PACSIN3: variants seen among roughly 807,000 people sequenced by gnomAD.
The protein encoded by PACSIN3 is protein kinase C and casein kinase substrate in neurons 3, also known as protein kinase C and casein kinase substrate in neurons protein 3.
PACSIN3 carries 34 observed loss-of-function variants against 56.1 expected under a neutral mutation model. That is an observed-to-expected ratio of 0.61 (90% CI 0.46 to 0.81). PACSIN3 has a LOEUF of 0.81. Ranked by LOEUF, PACSIN3 falls within the 30% of genes least tolerant of loss-of-function variation. The pLI is 0.00. For synonymous variants in PACSIN3, 218 were observed against 229.8 expected (o/e 0.95, Z 0.46); for missense variants, 535 against 592.4 (o/e 0.90, Z 1.01).
In PACSIN3 at chr11:47,179,479, C is replaced by G. The variant is rs754961841; in HGVS notation, c.711G>C (p.Gln237His). The G allele has an allele frequency of 6.2e-7, 1 of 1,613,940 alleles. No homozygotes were observed. The highest frequency in any genetic ancestry group is 1.3e-5 in the African/African-American group (1 of 74,950). Residue 237 changes from glutamine to histidine, a missense_variant, in exon 7 of 11, where the codon CAG becomes CAC. Physicochemically the swap from Gln to His is conservative, Grantham distance 24. Coordinates refer to ENST00000298838, the MANE Select transcript of PACSIN3 (RefSeq NM_016223.5). The surrounding 1 kb of genome is among the most constrained non-coding windows in gnomAD (Gnocchi z 4.4). The stretch of plus-strand genomic sequence containing the variant: ...GCATATCCTTGAAGAAAAGAAGCCG[C>G]TGGCGCTCGGCGGCCTGGCAGGTCT... ...AFETCQAAER[Q>H]RLLFFKDMLL...
At position 47,182,402 on chromosome 11, in the gene PACSIN3, C is replaced by G; in HGVS notation, c.211+1G>C. The G allele has an allele frequency of 6.3e-7, 1 of 1,595,336 alleles. No homozygotes were observed. Among genetic ancestry groups the G allele is most frequent in the Non-Finnish European group, 8.5e-7 (1 of 1,176,376 alleles). ...CTGCCCCCTGCGAGGGCCTGGCTCA[C>G]CCTTCTCCACGGTCCCCCTCCACTT... is the stretch of plus-strand genomic sequence containing the variant. On this transcript the variant is annotated splice_donor_variant, in intron 4 of 10. Coordinates refer to ENST00000298838, the MANE Select transcript of PACSIN3 (RefSeq NM_016223.5). LOFTEE classifies it high-confidence loss of function.
chr11:47,178,798 C>A lies in PACSIN3; in HGVS notation c.1037+96G>T, dbSNP rs1952952076. The A allele has an allele frequency of 2.1e-6, 3 of 1,433,198 alleles. No individual in the cohort carries two copies. The highest frequency in any genetic ancestry group is 2.9e-6 in the Non-Finnish European group (3 of 1,047,836). The allele number at this position is 1,433,198 out of a possible 1,614,324, so 88.8% of individuals were successfully genotyped here. On this transcript the variant is annotated intron_variant, in intron 9 of 10. Transcript: ENST00000298838. This position sits in a 1 kb window ranked among gnomAD's most constrained non-coding sequence, Gnocchi z 4.2. ...CAGGTCCCTGGCACCAATTTTCAACCCATTTCAGGTGTGAAAGAAATGAAA... is the reference window on the plus strand; with the variant it reads ...CAGGTCCCTGGCACCAATTTTCAACACATTTCAGGTGTGAAAGAAATGAAA...
chr11:47,180,063 G>A, intron 6 of PACSIN3, 123 bp downstream of exon 6: 2 of 836,846 alleles, frequency 2.4e-6, no homozygotes, highest in Non-Finnish European at 1.9e-6. Context: ...TCTGGAGAGA[G>A]GGTGGCAGGT....
Position 47,178,768 on chromosome 11 carries a change from G to T in PACSIN3, c.1037+126C>A. 1 of 1,069,252 alleles carries T rather than the reference G, an allele frequency of 9.4e-7. No individual in the cohort carries two copies. The highest frequency in any genetic ancestry group is 1.3e-6 in the Non-Finnish European group (1 of 741,078). 66.2% of individuals were successfully genotyped at this position (1,069,252 alleles called of 1,614,324 possible). A position where few individuals can be genotyped will look rare whatever the true frequency, so the allele number is the denominator to read the frequency against. ...CAGTATCATTACAACTACTAAGTAG[G>T]CCCTCAGGTCCCTGGCACCAATTTT... On this transcript the variant is annotated intron_variant, in intron 9 of 10. Transcript: ENST00000298838. The surrounding 1 kb of genome is among the most constrained non-coding windows in gnomAD (Gnocchi z 4.2).
At chr11:47,185,099 G>T (rs1032147945) in intron 1 of PACSIN3, among the ~76,000 whole-genome samples, 7 of 152,238 alleles carry the variant, frequency 4.6e-5, no homozygotes, top group Non-Finnish European at 1.0e-4. Flanking sequence ...ACCCAAATCA[G>T]TCCCCACCGC....
In PACSIN3 at chr11:47,186,023, G is replaced by C. The variant is rs1953114146; in HGVS notation, c.-104+326C>G. 6.6e-6 allele frequency: 1 copy of C among 152,190 alleles called. No individual in the cohort carries two copies. Among genetic ancestry groups the C allele is most frequent in the African/African-American group, 2.4e-5 (1 of 41,456 alleles). 9.4% of individuals were successfully genotyped at this position (152,190 alleles called of 1,614,324 possible). On this transcript the variant is annotated intron_variant, in intron 1 of 10. Coordinates refer to ENST00000298838, the MANE Select transcript of PACSIN3 (RefSeq NM_016223.5). This position sits in a 1 kb window ranked among gnomAD's most constrained non-coding sequence, Gnocchi z 4.5. Reference sequence around the variant, plus strand: ...CTGCATAGGGCGAGGGATCGCCAGGGAGCGAGGACCCTCTGGGGCCTCGGG... The same window carrying C: ...CTGCATAGGGCGAGGGATCGCCAGGCAGCGAGGACCCTCTGGGGCCTCGGG...
intron 4 of PACSIN3, among the ~76,000 whole-genome samples, 178 bp downstream of exon 4, chr11:47,182,225 T>C (rs1013448120): frequency 4.6e-5 from 7 of 151,658 alleles, no homozygotes; most frequent in African/African-American, 1.5e-4. Flanking sequence ...AAGTAACTCA[T>C]GAGCATCCTT....
intron 4 of PACSIN3, 46 bp from the exon 5 acceptor site, chr11:47,180,736 A>C: frequency 6.7e-7 from 1 of 1,488,172 alleles, no homozygotes; most frequent in Non-Finnish European, 9.1e-7. Context: ...TACCACCCAA[A>C]ATGAGCCTAG....
In PACSIN3 at chr11:47,178,093, C is replaced by T; in HGVS notation, c.1160-47G>A. ...ACTGCCAGTGGCCCTGGCCCAGGCC[C>T]TGTTCCTGCAACTGGGTCAAGGACT... On this transcript the variant is annotated intron_variant, in intron 10 of 10. Transcript: ENST00000298838. The surrounding 1 kb of genome is among the most constrained non-coding windows in gnomAD (Gnocchi z 4.2). 1 of 1,520,972 alleles carries T rather than the reference C, an allele frequency of 6.6e-7. No individual in the cohort carries two copies. Among genetic ancestry groups the T allele is most frequent in the Middle Eastern group, 1.7e-4 (1 of 5,854 alleles). 94.2% of individuals were successfully genotyped at this position (1,520,972 alleles called of 1,614,324 possible).
intron 2 of PACSIN3, 61 bp from the exon 3 acceptor site, chr11:47,182,825 G>T: frequency 7.5e-7 from 1 of 1,334,398 alleles, no homozygotes; most frequent in Non-Finnish European, 1.0e-6. Flanking sequence ...GATAGGAAAA[G>T]ACCCTCTCTA....
chr11:47,183,511 G>A (rs779637934), intron 1 of PACSIN3, among the ~76,000 whole-genome samples: 6 of 152,216 alleles, frequency 3.9e-5, no homozygotes, highest in South Asian at 2.1e-4. Context: ...GAACTCCTCT[G>A]TGTGCTCAGC....
chr11:47,185,538 C>A, intron 1 of PACSIN3: 1 of 153,360 alleles, frequency 6.5e-6, no homozygotes, highest in Non-Finnish European at 1.5e-5. Context: ...GAAGCCAGAG[C>A]CAGCCAGGAG....
chr11:47,181,603 C>T (rs1052223782), intron 4 of PACSIN3, among the ~76,000 whole-genome samples: 4 of 151,890 alleles, frequency 2.6e-5, no homozygotes, highest in Admixed American at 6.6e-5. Flanking sequence ...GAGAAAGGAC[C>T]GCTAGAGCCC....
rs772929606 is a variant in PACSIN3, at chr11:47,179,500, G to A, written c.690C>T (p.Thr230=). Residue 230 remains threonine, a synonymous_variant, in exon 7 of 11, where the codon ACC becomes ACT. Transcript: ENST00000298838. The surrounding 1 kb of genome is among the most constrained non-coding windows in gnomAD (Gnocchi z 4.4). ...YMEDMEQAFE[T]CQAAERQRLL... is the part of the protein sequence containing the mutation. Reference sequence around the variant, plus strand: ...GCCGCTGGCGCTCGGCGGCCTGGCAGGTCTCAAAGGCCTGTTCCATGTCCT... The same window carrying A: ...GCCGCTGGCGCTCGGCGGCCTGGCAAGTCTCAAAGGCCTGTTCCATGTCCT... 2 of 1,613,972 alleles carry A rather than the reference G, an allele frequency of 1.2e-6. No individual in the cohort carries two copies. Among genetic ancestry groups the A allele is most frequent in the East Asian group, 4.5e-5 (2 of 44,892 alleles).
chr11:47,178,974 G>A lies in PACSIN3; in HGVS notation c.957C>T (p.Ser319=), dbSNP rs1409287474. The stretch of plus-strand genomic sequence containing the variant: ...TGCTGGTCAGGGTAACCTCATCAGG[G>A]CTCCGGCCACCCTTCTCTTTCCGGC... ...TISRKEKGGR[S]PDEVTLTSIV... is the part of the protein sequence containing the mutation. Residue 319 remains serine (S), a synonymous_variant, in exon 9 of 11, where the codon AGC becomes AGT. Coordinates refer to ENST00000298838, the MANE Select transcript of PACSIN3 (RefSeq NM_016223.5). This position sits in a 1 kb window ranked among gnomAD's most constrained non-coding sequence, Gnocchi z 4.2. The A allele has an allele frequency of 2.5e-6, 4 of 1,613,928 alleles. No individual in the cohort carries two copies. In the Admixed American group the frequency reaches 6.7e-5, roughly 27 times the overall value.
chr11:47,180,754 C>T (rs1953007726), intron 4 of PACSIN3, 64 bp from the exon 5 acceptor site: 13 of 1,364,354 alleles, frequency 9.5e-6, no homozygotes, highest in South Asian at 8.0e-5. Context: ...TAGCCCCTCT[C>T]ACTGGGTGTG....
At chr11:47,182,915 AC>A (rs1953055494) in intron 2 of PACSIN3, 88 bp downstream of exon 2, 1 of 553,578 alleles carries the variant, frequency 1.8e-6, no homozygotes, top group African/African-American at 1.9e-5. Context: ...GGTGCTGAAG[AC>A]CCTAAGAAGG....
chr11:47,178,878 C>T lies in PACSIN3; in HGVS notation c.1037+16G>A, dbSNP rs747616018. The T allele has an allele frequency of 1.0e-4, 167 of 1,613,298 alleles. No homozygotes were observed. Among genetic ancestry groups the T allele is most frequent in the East Asian group, 1.6e-4 (7 of 44,874 alleles). On this transcript the variant is annotated intron_variant, in intron 9 of 10. Coordinates refer to ENST00000298838, the MANE Select transcript of PACSIN3 (RefSeq NM_016223.5). This position sits in a 1 kb window ranked among gnomAD's most constrained non-coding sequence, Gnocchi z 4.2. ...CAGAGCTGTTTCTTTGCCACAGCCGCGCTCCTGGCTCTCACCCTGGGGACC... is the reference window on the plus strand; with the variant it reads ...CAGAGCTGTTTCTTTGCCACAGCCGTGCTCCTGGCTCTCACCCTGGGGACC...
chr11:47,179,350 C>G lies in PACSIN3; in HGVS notation c.779+61G>C. 1 of 1,613,126 alleles carries G rather than the reference C, an allele frequency of 6.2e-7. No homozygotes were observed. Among genetic ancestry groups the G allele is most frequent in the Non-Finnish European group, 8.5e-7 (1 of 1,179,390 alleles). ...CATCCCTCAGTCCCAGCCAGGGCCTCGGGGAGATGGAGGAGACCCAGTACT... is the reference window on the plus strand; with the variant it reads ...CATCCCTCAGTCCCAGCCAGGGCCTGGGGGAGATGGAGGAGACCCAGTACT... On this transcript the variant is annotated intron_variant, in intron 7 of 10. Coordinates refer to ENST00000298838, the MANE Select transcript of PACSIN3 (RefSeq NM_016223.5). The surrounding 1 kb of genome is among the most constrained non-coding windows in gnomAD (Gnocchi z 4.4).
Sources: allele counts gnomAD v4.1 joint callset (sites outside exome capture counted in the v4.1 genomes callset), GRCh38; gene constraint gnomAD v4.1.1; non-coding constraint Gnocchi (gnomAD v3.1); transcripts MANE v1.5; gene names NCBI Gene and HGNC (gene_info 2026-07-23, HGNC 2026-07-21).